DDX39B: variants seen among roughly 807,000 people sequenced by gnomAD.
The protein encoded by DDX39B is DExD-box helicase 39B.
In DDX39B, 6 loss-of-function variants were observed where a neutral mutation model predicts 46.4. The observed-to-expected ratio is 0.13, with a 90% CI of 0.07 to 0.26. The LOEUF is 0.26. Ranked by LOEUF, DDX39B falls within the 10% of genes least tolerant of loss-of-function variation. The pLI is 1.00. For synonymous variants in DDX39B, 174 were observed against 199.4 expected, an observed-to-expected ratio of 0.87 and a Z score of 1.07; for missense variants, 185 against 553.4, an observed-to-expected ratio of 0.33 and a Z score of 6.68.
At chr6:31,533,292 T>C (rs980005768) in intron 6 of DDX39B, 1 of 225,408 alleles carries the variant, frequency 4.4e-6, no homozygotes, top group Non-Finnish European at 9.1e-6. Context: ...TGGGAAATGA[T>C]GGGAGGCAGT....
rs1416620955 is a variant in DDX39B at position 31,535,248 on chromosome 6, A to G, written c.735+119T>C. On this transcript the variant is annotated intron_variant, in intron 6 of 10. Transcript: ENST00000396172. The surrounding 1 kb of genome is among the most constrained non-coding windows in gnomAD (Gnocchi z 4.6). ...GTCTCTTCAAGGAGTCATTACTCCC[A>G]GTTGGGCACAAGCCGCCTTCTTGGC... 1.1e-6 allele frequency: 1 copy of G among 924,884 alleles called. No homozygotes were observed. The highest frequency in any genetic ancestry group is 1.8e-6 in the Non-Finnish European group (1 of 564,498). 57.3% of individuals were successfully genotyped at this position (924,884 alleles called of 1,614,324 possible). A position where few individuals can be genotyped will look rare whatever the true frequency, so the allele number is the denominator to read the frequency against.
Position 31,536,700 on chromosome 6 carries a change from A to G in DDX39B, c.433-17T>C. On this transcript the variant is annotated splice_polypyrimidine_tract_variant and intron_variant, in intron 4 of 10. Coordinates refer to ENST00000396172, the MANE Select transcript of DDX39B (RefSeq NM_004640.7). ...AACAGCAACCTGCCGAGCCAGAAGCAAAGAGTCTCAAAACAGAGGAAGGAA... is the reference window on the plus strand; with the variant it reads ...AACAGCAACCTGCCGAGCCAGAAGCGAAGAGTCTCAAAACAGAGGAAGGAA... The G allele has an allele frequency of 6.5e-7, 1 of 1,536,254 alleles. No individual in the cohort carries two copies. The highest frequency in any genetic ancestry group is 2.2e-5 in the East Asian group (1 of 44,822).
intron 1 of DDX39B, chr6:31,541,690 G>A (rs145065924): frequency 4.9e-5 from 26 of 525,876 alleles, no homozygotes; most frequent in South Asian, 3.5e-4. Flanking sequence ...TCCAATATGA[G>A]AAGAACCCAT....
intron 1 of DDX39B, chr6:31,541,292 G>A: frequency 1.0e-5 from 5 of 480,752 alleles, no homozygotes; most frequent in South Asian, 6.0e-5. Context: ...AAGACAAATG[G>A]CTCGGCCACA....
chr6:31,537,318 C>T lies in DDX39B; in HGVS notation c.433-635G>A, dbSNP rs182492323. 3.0e-3 allele frequency among the ~76,000 whole-genome samples: 462 copies of T among 151,972 alleles called. 18 individuals carry two copies. In the South Asian group the frequency reaches 0.071, roughly 23 times the overall value. Reference sequence around the variant, plus strand: ...AAAAACAAAAAATACAAAATTTAGCCGGGAGGCTGAGGCAGGAGAATCGCT... The same window carrying T: ...AAAAACAAAAAATACAAAATTTAGCTGGGAGGCTGAGGCAGGAGAATCGCT... On this transcript the variant is annotated intron_variant, in intron 4 of 10. Coordinates refer to ENST00000396172, the MANE Select transcript of DDX39B (RefSeq NM_004640.7).
At chr6:31,536,376 C>G (rs562527302) in intron 5 of DDX39B, 124 bp downstream of exon 5, 1 of 1,363,818 alleles carries the variant, frequency 7.3e-7, no homozygotes, top group Non-Finnish European at 1.0e-6. Flanking sequence ...GAACCCAGAG[C>G]CATCAGTCAT....
At position 31,534,503 on chromosome 6, in the gene DDX39B, CCTCT is replaced by C. The variant is rs949626649; in HGVS notation, c.735+860_735+863del. Reference sequence around the variant, plus strand: ...CACTTTACCTTTCCTATGTCCCTCTCCTCTGAGTATTAAAAAAAACAAAAAAATT... The same window carrying C: ...CACTTTACCTTTCCTATGTCCCTCTCGAGTATTAAAAAAAACAAAAAAATT... On this transcript the variant is annotated intron_variant, in intron 6 of 10. Coordinates refer to ENST00000396172, the MANE Select transcript of DDX39B (RefSeq NM_004640.7). The surrounding 1 kb of genome is among the most constrained non-coding windows in gnomAD (Gnocchi z 5.1). 2 of 470,564 alleles carry C rather than the reference CCTCT, an allele frequency of 4.3e-6. No individual in the cohort carries two copies. Among genetic ancestry groups the C allele is most frequent in the African/African-American group, 2.0e-5 (1 of 49,960 alleles). 29.1% of individuals were successfully genotyped at this position (470,564 alleles called of 1,614,324 possible).
intron 2 of DDX39B, among the ~76,000 whole-genome samples, chr6:31,539,612 G>A (rs1768171253): frequency 6.6e-6 from 1 of 152,036 alleles, no homozygotes; most frequent in Admixed American, 6.6e-5. Context: ...TTGAATACCT[G>A]CCACAGACCA....
At position 31,534,615 on chromosome 6, in the gene DDX39B, G is replaced by C. The variant is rs1029012058; in HGVS notation, c.735+752C>G. 5.0e-6 allele frequency: 2 copies of C among 398,318 alleles called. No homozygotes were observed. The allele number at this position is 398,318 out of a possible 1,614,324, so 24.7% of individuals were successfully genotyped here. A position where few individuals can be genotyped will look rare whatever the true frequency, so the allele number is the denominator to read the frequency against. Reference sequence around the variant, plus strand: ...GGGGAAACGGGGCACGGCACGCGTTGGGTTCAGGAAAAAAACCGGGAACGG... The same window carrying C: ...GGGGAAACGGGGCACGGCACGCGTTCGGTTCAGGAAAAAAACCGGGAACGG... On this transcript the variant is annotated intron_variant, in intron 6 of 10. Coordinates refer to ENST00000396172, the MANE Select transcript of DDX39B (RefSeq NM_004640.7). The surrounding 1 kb of genome is among the most constrained non-coding windows in gnomAD (Gnocchi z 5.1).
chr6:31,539,014 C>T (rs776457628), intron 3 of DDX39B, 133 bp downstream of exon 3: 2 of 1,534,226 alleles, frequency 1.3e-6, no homozygotes, highest in Non-Finnish European at 1.8e-6. Context: ...ACATCCCCCA[C>T]AGCTGTCAGG....
In DDX39B at chr6:31,539,392, GTTC is replaced by G. The variant is rs1386441222; in HGVS notation, c.212-121_212-119del. On this transcript the variant is annotated intron_variant, in intron 2 of 10. Coordinates refer to ENST00000396172, the MANE Select transcript of DDX39B (RefSeq NM_004640.7). ...ATTCTCAAAGTCTAGTATTTACCTG[GTTC>G]TTGCCAACTTCCAGACCCATTTTAC... 2.1e-6 allele frequency: 3 copies of G among 1,443,672 alleles called. No individual in the cohort carries two copies. The East Asian group carries it at 7.0e-5, about 34-fold the overall frequency. The allele number at this position is 1,443,672 out of a possible 1,614,324, so 89.4% of individuals were successfully genotyped here. A position where few individuals can be genotyped will look rare whatever the true frequency, so the allele number is the denominator to read the frequency against.
At chr6:31,536,741 C>T in intron 4 of DDX39B, 58 bp from the exon 5 acceptor site, 1 of 1,581,186 alleles carries the variant, frequency 6.3e-7, no homozygotes, top group Admixed American at 1.8e-5. Flanking sequence ...CCAATCCCCC[C>T]AGGGTTCCCA....
chr6:31,540,245 T>A lies in DDX39B; in HGVS notation c.211+77A>T, dbSNP rs1208883149. ...TTAAGTATAAACCCTTACCACCACC[T>A]GAGCAACGACAAACACATCTTTGTA... On this transcript the variant is annotated intron_variant, in intron 2 of 10. Coordinates refer to ENST00000396172, the MANE Select transcript of DDX39B (RefSeq NM_004640.7). 8 of 1,496,198 alleles carry A rather than the reference T, an allele frequency of 5.3e-6. No homozygotes were observed. In the Admixed American group the frequency reaches 6.8e-5, roughly 13 times the overall value. The allele number at this position is 1,496,198 out of a possible 1,614,324, so 92.7% of individuals were successfully genotyped here.
At position 31,531,631 on chromosome 6, in the gene DDX39B, A is replaced by G; in HGVS notation, c.868-226T>C. Reference sequence around the variant, plus strand: ...TGGCCTCTGAGGTAGCACAGAGTTCAGAAATCAAAATTGCCAGACATGCTA... The same window carrying G: ...TGGCCTCTGAGGTAGCACAGAGTTCGGAAATCAAAATTGCCAGACATGCTA... On this transcript the variant is annotated intron_variant, in intron 7 of 10. Transcript: ENST00000396172. This position sits in a 1 kb window ranked among gnomAD's most constrained non-coding sequence, Gnocchi z 5.8. The G allele has an allele frequency of 1.9e-6, 1 of 539,506 alleles. No homozygotes were observed. The highest frequency in any genetic ancestry group is 3.0e-5 in the East Asian group (1 of 33,390). 33.4% of individuals were successfully genotyped at this position (539,506 alleles called of 1,614,324 possible). A position where few individuals can be genotyped will look rare whatever the true frequency, so the allele number is the denominator to read the frequency against.
Position 31,540,580 on chromosome 6 carries a change from C to T in DDX39B, c.-48G>A, listed in dbSNP as rs761957780. 3.1e-6 allele frequency: 5 copies of T among 1,589,302 alleles called. No homozygotes were observed. The highest frequency in any genetic ancestry group is 1.1e-5 in the South Asian group (1 of 90,612). On this transcript the variant is annotated 5_prime_UTR_variant, in exon 2 of 11. Coordinates refer to ENST00000396172, the MANE Select transcript of DDX39B (RefSeq NM_004640.7). Reference sequence around the variant, plus strand: ...GGGAAGGGGGATCTGGATGGGTTCTCGCAAAATAGGTGAAAACAAGGGGTG... The same window carrying T: ...GGGAAGGGGGATCTGGATGGGTTCTTGCAAAATAGGTGAAAACAAGGGGTG...
chr6:31,539,573 T>C (rs1768168476), intron 2 of DDX39B, among the ~76,000 whole-genome samples: 1 of 152,158 alleles, frequency 6.6e-6, no homozygotes, highest in Non-Finnish European at 1.5e-5. Flanking sequence ...CTGTCCTTAT[T>C]TTTCTTAATC....
Position 31,531,143 on chromosome 6 carries a change from G to A in DDX39B, c.1032C>T (p.Thr344=). The A allele has an allele frequency of 6.2e-7, 1 of 1,614,180 alleles. No individual in the cohort carries two copies. The highest frequency in any genetic ancestry group is 8.5e-7 in the Non-Finnish European group (1 of 1,180,036). The change falls in exon 9 of 11, where the codon ACC becomes ACT. Residue 344 remains threonine (T), a synonymous_variant. Transcript: ENST00000396172. This position sits in a 1 kb window ranked among gnomAD's most constrained non-coding sequence, Gnocchi z 5.8. ...TGTCCATGCCTCGGCCAAATAGGTT[G>A]GTAGCCACAAGAATTCGTCGTTGAA... is the stretch of plus-strand genomic sequence containing the variant. ...KDFQRRILVA[T]NLFGRGMDIE...
Position 31,535,303 on chromosome 6 carries a change from G to C in DDX39B, c.735+64C>G, listed in dbSNP as rs748048084. ...GAATGACAAGGGAGTCTGAGGAAGAGGGCGAGGAAGGGGAGGAGGCAGCGG... is the reference window on the plus strand; with the variant it reads ...GAATGACAAGGGAGTCTGAGGAAGACGGCGAGGAAGGGGAGGAGGCAGCGG... On this transcript the variant is annotated intron_variant, in intron 6 of 10. Coordinates refer to ENST00000396172, the MANE Select transcript of DDX39B (RefSeq NM_004640.7). This position sits in a 1 kb window ranked among gnomAD's most constrained non-coding sequence, Gnocchi z 4.6. 5 of 1,484,902 alleles carry C rather than the reference G, an allele frequency of 3.4e-6. No individual in the cohort carries two copies. The South Asian group carries it at 5.7e-5, about 17-fold the overall frequency. The allele number at this position is 1,484,902 out of a possible 1,614,324, so 92.0% of individuals were successfully genotyped here.
chr6:31,532,836 C>T lies in DDX39B; in HGVS notation c.811G>A (p.Asp271Asn). ...AAGAGCTTCCGGTTCTTCTCGTTGT[C>T]CTTCAGTTTCACGTAGTACTGCTGC... ...GLQQYYVKLK[D>N]NEKNRKLFDL... is the part of the protein sequence containing the mutation. The change falls in exon 7 of 11, where the codon GAC becomes AAC. Residue 271 changes from aspartate (D) to asparagine (N), a missense_variant. Physicochemically the swap from Asp to Asn is conservative, Grantham distance 23. This residue lies in a region of DDX39B where 110 missense variants were observed against 282.2 expected (regional missense o/e 0.39). Coordinates refer to ENST00000396172, the MANE Select transcript of DDX39B (RefSeq NM_004640.7). 1 of 1,611,398 alleles carries T rather than the reference C, an allele frequency of 6.2e-7. No individual in the cohort carries two copies. The highest frequency in any genetic ancestry group is 8.5e-7 in the Non-Finnish European group (1 of 1,179,724).
Sources: allele counts gnomAD v4.1 joint callset (sites outside exome capture counted in the v4.1 genomes callset), GRCh38; gene constraint gnomAD v4.1.1; regional missense constraint gnomAD v4.1.1; non-coding constraint Gnocchi (gnomAD v3.1); transcripts MANE v1.5; gene names NCBI Gene and HGNC (gene_info 2026-07-23, HGNC 2026-07-21).